The following CDH13 variants were observed in gnomAD, a reference collection of about 807,000 sequenced individuals.
The protein encoded by CDH13 is cadherin 13, also known as cadherin-13.
CDH13 carries 24 observed loss-of-function variants against 63.8 expected under a neutral mutation model. That is an observed-to-expected ratio of 0.38 (90% CI 0.27 to 0.53). The LOEUF (loss-of-function observed/expected upper bound fraction) is 0.53, where lower values mean the gene tolerates loss of function less well. CDH13 is among the 20% of genes least tolerant of loss of function. The probability of loss-of-function intolerance (pLI) is 0.85; values close to 1 mark genes in which losing one functional copy is unlikely to be tolerated. For missense variants in CDH13, 1,049 were observed against 903.1 expected, an observed-to-expected ratio of 1.16 and a Z score of -2.07; for synonymous variants, 503 against 355.3, an observed-to-expected ratio of 1.42 and a Z score of -4.67.
At chr16:83,789,619 G>C (rs970976632) in intron 13 of CDH13, among the ~76,000 whole-genome samples, 3 of 148,182 alleles carry the variant, frequency 2.0e-5, no homozygotes, top group African/African-American at 5.3e-5. Flanking sequence ...GAAGTGCTGG[G>C]ATTACAGGCG....
intron 6 of CDH13, among the ~76,000 whole-genome samples, chr16:83,470,329 T>TTA (rs1227593352): frequency 1.3e-5 from 2 of 152,166 alleles, no homozygotes; most frequent in Admixed American, 6.5e-5. Flanking sequence ...ACTGCTGGGA[T>TTA]TACAGATGTG....
chr16:83,211,090 G>A (rs979633423), intron 4 of CDH13, among the ~76,000 whole-genome samples: 27 of 151,014 alleles, frequency 1.8e-4, no homozygotes, highest in Non-Finnish European at 1.5e-5. Context: ...AGAGGTTGCA[G>A]TGAGCCAAGA....
At chr16:83,106,857 T>C (rs1004598109) in intron 3 of CDH13, among the ~76,000 whole-genome samples, 1 of 152,218 alleles carries the variant, frequency 6.6e-6, no homozygotes, top group African/African-American at 2.4e-5. Context: ...TTTAATATAT[T>C]TTTTGGAGTT....
chr16:83,484,744 T>C (rs567042385), intron 6 of CDH13, among the ~76,000 whole-genome samples: 3 of 152,184 alleles, frequency 2.0e-5, no homozygotes, highest in African/African-American at 7.2e-5. Flanking sequence ...AAACTGTACC[T>C]GTAAAACATG....
At chr16:83,315,649 A>G (rs1288727689) in intron 5 of CDH13, among the ~76,000 whole-genome samples, 1 of 152,016 alleles carries the variant, frequency 6.6e-6, no homozygotes, top group Non-Finnish European at 1.5e-5. Context: ...TTTAAAAAAA[A>G]AAAACAGCTC....
At chr16:82,816,029 G>A in intron 1 of CDH13, among the ~76,000 whole-genome samples, 1 of 152,240 alleles carries the variant, frequency 6.6e-6, no homozygotes, top group Non-Finnish European at 1.5e-5. Flanking sequence ...GGGAAGCCTG[G>A]GTCTGATACA....
Position 82,818,114 on chromosome 16 carries a change from TTGTG to T in CDH13, c.46-40226_46-40223del, listed in dbSNP as rs5818411. Among the ~76,000 whole-genome samples, 93 of 149,348 alleles carry T rather than the reference TTGTG, an allele frequency of 6.2e-4. 3 individuals carry two copies. The highest frequency in any genetic ancestry group is 3.4e-3 in the Middle Eastern group (1 of 294). On this transcript the variant is annotated intron_variant, in intron 1 of 13. Coordinates refer to ENST00000567109, the MANE Select transcript of CDH13 (RefSeq NM_001257.5). ...AATGTATTCACTCATACATGTATGGTTGTGTGTGTGTGTGTGTGTGTGTGTTTTG... is the reference window on the plus strand; with the variant it reads ...AATGTATTCACTCATACATGTATGGTTGTGTGTGTGTGTGTGTGTGTTTTG...
chr16:82,765,065 C>T (rs776676791), intron 1 of CDH13, among the ~76,000 whole-genome samples: 1 of 152,222 alleles, frequency 6.6e-6, no homozygotes, highest in African/African-American at 2.4e-5. Context: ...ATCTGCCTAC[C>T]TTGGCCTCCC....
chr16:83,268,078 A>G (rs533537900), intron 5 of CDH13, among the ~76,000 whole-genome samples: 3 of 152,276 alleles, frequency 2.0e-5, no homozygotes, highest in East Asian at 3.9e-4. Context: ...GTGTATATAG[A>G]TACACCTGCC....
At chr16:83,329,252 G>C (rs2090432147) in intron 5 of CDH13, among the ~76,000 whole-genome samples, 1 of 152,162 alleles carries the variant, frequency 6.6e-6, no homozygotes, top group African/African-American at 2.4e-5. Context: ...TTGAGACAGA[G>C]TCCGGCTCTG....
chr16:83,663,663 C>T (rs558160719), intron 8 of CDH13, among the ~76,000 whole-genome samples: 3 of 152,252 alleles, frequency 2.0e-5, no homozygotes, highest in African/African-American at 7.2e-5. Context: ...ATGGGAGAGG[C>T]ATGCCCCAGG....
chr16:82,712,596 C>T (rs1266278861), intron 1 of CDH13, among the ~76,000 whole-genome samples: 1 of 152,188 alleles, frequency 6.6e-6, no homozygotes, highest in Non-Finnish European at 1.5e-5. Context: ...ACATGGATGT[C>T]TACAAAATGC....
At chr16:83,034,950 G>A (rs1916713982) in intron 3 of CDH13, among the ~76,000 whole-genome samples, 1 of 152,116 alleles carries the variant, frequency 6.6e-6, no homozygotes, top group Admixed American at 6.6e-5. Context: ...TTATAAAGGG[G>A]GCGGAGGCTG....
intron 2 of CDH13, among the ~76,000 whole-genome samples, chr16:82,961,372 A>G (rs754534386): frequency 6.6e-6 from 1 of 152,152 alleles, no homozygotes; most frequent in African/African-American, 2.4e-5. Flanking sequence ...GAGACGAGAG[A>G]GGAAGTAATA....
chr16:83,528,856 T>G (rs1329397551), intron 7 of CDH13, among the ~76,000 whole-genome samples: 1 of 152,248 alleles, frequency 6.6e-6, no homozygotes, highest in Non-Finnish European at 1.5e-5. Flanking sequence ...GCCTTTTTTC[T>G]TTGTTCATTA....
intron 1 of CDH13, among the ~76,000 whole-genome samples, chr16:82,853,096 G>T (rs1184892751): frequency 6.6e-6 from 1 of 152,110 alleles, no homozygotes; most frequent in African/African-American, 2.4e-5. Flanking sequence ...ATACATTTAG[G>T]GTAGTGGCTC....
At chr16:83,102,836 GA>G (rs1438380474) in intron 3 of CDH13, among the ~76,000 whole-genome samples, 2 of 150,506 alleles carry the variant, frequency 1.3e-5, no homozygotes, top group African/African-American at 2.5e-5. Flanking sequence ...TCATTAACCA[GA>G]AAAGGGTAAA....
At chr16:83,092,240 T>C (rs2033949279) in intron 3 of CDH13, among the ~76,000 whole-genome samples, 1 of 152,230 alleles carries the variant, frequency 6.6e-6, no homozygotes, top group Non-Finnish European at 1.5e-5. Flanking sequence ...GAGCAGGGAC[T>C]ACAACCTAAA....
chr16:83,179,310 CCCTAT>C (rs2038251039), intron 4 of CDH13, among the ~76,000 whole-genome samples: 1 of 151,924 alleles, frequency 6.6e-6, no homozygotes, highest in Non-Finnish European at 1.5e-5. Flanking sequence ...AATCTCTCAA[CCCTAT>C]CAGGCACATG....
Sources: allele counts gnomAD v4.1 joint callset (sites outside exome capture counted in the v4.1 genomes callset), GRCh38; gene constraint gnomAD v4.1.1; transcripts MANE v1.5; gene names NCBI Gene and HGNC (gene_info 2026-07-23, HGNC 2026-07-21).